PTPRK: variants seen among roughly 807,000 people sequenced by gnomAD.
The protein encoded by PTPRK is protein tyrosine phosphatase receptor type K, also known as receptor-type tyrosine-protein phosphatase kappa.
A neutral mutation model predicts 178.0 loss-of-function variants in PTPRK; 75 were observed. That is an observed-to-expected ratio of 0.42 (90% CI 0.35 to 0.51). The LOEUF is 0.51. PTPRK is among the 20% of genes least tolerant of loss of function. PTPRK has a pLI of 0.02. For missense variants in PTPRK, 1,441 were observed against 1,797.8 expected, an observed-to-expected ratio of 0.80 and a Z score of 3.59; for synonymous variants, 637 against 620.6, an observed-to-expected ratio of 1.03 and a Z score of -0.39.
At chr6:128,407,419 T>C (rs558943626) in intron 1 of PTPRK, among the ~76,000 whole-genome samples, 57 of 152,054 alleles carry the variant, frequency 3.7e-4, no homozygotes, top group African/African-American at 1.4e-3. Context: ...GTTAGATTTC[T>C]TGAGCCTAAG....
At chr6:128,135,830 T>TA (rs555472713) in intron 7 of PTPRK, among the ~76,000 whole-genome samples, 24 of 146,020 alleles carry the variant, frequency 1.6e-4, no homozygotes, top group East Asian at 4.0e-4. Context: ...ACTCAAAAAA[T>TA]AAAAAAAAAT....
chr6:128,180,972 C>T (rs2114684105), intron 7 of PTPRK, among the ~76,000 whole-genome samples: 1 of 152,146 alleles, frequency 6.6e-6, no homozygotes, highest in Non-Finnish European at 1.5e-5. Flanking sequence ...TGATATTGGA[C>T]AAGTTACTGT....
At chr6:128,357,663 C>T (rs555922784) in intron 2 of PTPRK, among the ~76,000 whole-genome samples, 1 of 152,312 alleles carries the variant, frequency 6.6e-6, no homozygotes, top group African/African-American at 2.4e-5. Flanking sequence ...ACATCAACAC[C>T]ACCCAAATAA....
At chr6:128,300,575 T>C (rs995997360) in intron 3 of PTPRK, among the ~76,000 whole-genome samples, 6 of 151,790 alleles carry the variant, frequency 4.0e-5, no homozygotes, top group East Asian at 3.9e-4. Context: ...ATGGATGAAA[T>C]TGGAAATCAT....
intron 5 of PTPRK, among the ~76,000 whole-genome samples, chr6:128,225,636 G>T (rs1317333933): frequency 6.6e-6 from 1 of 151,962 alleles, no homozygotes; most frequent in Non-Finnish European, 1.5e-5. Flanking sequence ...TTAAAAACAT[G>T]AAAGTATTTC....
At chr6:128,302,108 G>A (rs565240234) in intron 3 of PTPRK, among the ~76,000 whole-genome samples, 1 of 152,068 alleles carries the variant, frequency 6.6e-6, no homozygotes, top group South Asian at 2.1e-4. Context: ...CAGGAAACGG[G>A]CCGGGTGAGG....
At chr6:128,387,735 A>G (rs1010391817) in intron 2 of PTPRK, among the ~76,000 whole-genome samples, 2 of 152,168 alleles carry the variant, frequency 1.3e-5, no homozygotes, top group Non-Finnish European at 1.5e-5. Flanking sequence ...GAAAAATTCT[A>G]GTGAGTAACA....
At chr6:128,001,902 C>T (rs1376407519) in intron 15 of PTPRK, among the ~76,000 whole-genome samples, 2 of 151,756 alleles carry the variant, frequency 1.3e-5, no homozygotes, top group Non-Finnish European at 2.9e-5. Flanking sequence ...CAGCATTCTA[C>T]AGTGCTTAGC....
intron 7 of PTPRK, among the ~76,000 whole-genome samples, chr6:128,141,754 G>A (rs991714638): frequency 6.6e-6 from 1 of 151,804 alleles, no homozygotes; most frequent in African/African-American, 2.4e-5. Context: ...TTATAAAATT[G>A]TTCCATTTCC....
At chr6:128,206,310 T>A (rs1231850822) in intron 6 of PTPRK, among the ~76,000 whole-genome samples, 1 of 150,690 alleles carries the variant, frequency 6.6e-6, no homozygotes, top group East Asian at 1.9e-4. Flanking sequence ...CAGAAACATA[T>A]TATAAGAATC....
intron 7 of PTPRK, among the ~76,000 whole-genome samples, chr6:128,161,210 T>C (rs1393401761): frequency 1.3e-5 from 2 of 151,778 alleles, no homozygotes; most frequent in Non-Finnish European, 3.0e-5. Context: ...TAACAAACGA[T>C]AACTGCATTC....
intron 13 of PTPRK, among the ~76,000 whole-genome samples, chr6:128,019,340 G>A (rs1773093359): frequency 6.6e-6 from 1 of 152,076 alleles, no homozygotes; most frequent in African/African-American, 2.4e-5. Context: ...TTCAAAACAT[G>A]GGGGTGAGGT....
At chr6:128,186,346 T>C (rs1802762522) in intron 6 of PTPRK, among the ~76,000 whole-genome samples, 1 of 152,112 alleles carries the variant, frequency 6.6e-6, no homozygotes, top group Non-Finnish European at 1.5e-5. Flanking sequence ...GCAGTAACTT[T>C]TAAACTAATT....
chr6:128,491,832 C>G (rs73772040), intron 1 of PTPRK: 1 of 515,376 alleles, frequency 1.9e-6, no homozygotes, highest in East Asian at 5.5e-5. Flanking sequence ...CAAAAGTTAC[C>G]GACCACAAGC....
At chr6:128,078,647 T>C (rs1056717363) in intron 11 of PTPRK, among the ~76,000 whole-genome samples, 166 bp downstream of exon 11, 2 of 152,050 alleles carry the variant, frequency 1.3e-5, no homozygotes, top group Non-Finnish European at 2.9e-5. Context: ...TCTCTTACTG[T>C]GCCTAATTTA....
intron 7 of PTPRK, among the ~76,000 whole-genome samples, chr6:128,184,087 C>T (rs963896104): frequency 6.6e-6 from 1 of 152,082 alleles, no homozygotes; most frequent in African/African-American, 2.4e-5. Flanking sequence ...AAAAAGTATT[C>T]GGTATTTGCT....
chr6:128,190,495 T>TA (rs1322653876), intron 6 of PTPRK, among the ~76,000 whole-genome samples: 3,163 of 130,052 alleles, frequency 0.024, 179 homozygotes, highest in African/African-American at 0.056. Context: ...GATACCTTTT[T>TA]TTTTTTTTTT....
chr6:128,497,804 T>A (rs1442880211), intron 1 of PTPRK, among the ~76,000 whole-genome samples: 4 of 151,916 alleles, frequency 2.6e-5, no homozygotes. Flanking sequence ...TTCTATTAGA[T>A]GTAGCTAACA....
intron 2 of PTPRK, among the ~76,000 whole-genome samples, chr6:128,322,820 T>C (rs1829012594): frequency 6.6e-6 from 1 of 152,106 alleles, no homozygotes; most frequent in Non-Finnish European, 1.5e-5. Context: ...TAATTTCGTA[T>C]TGGAAAATCA....
Sources: gnomAD v4.1 joint callset for allele counts (sites outside exome capture counted in the v4.1 genomes callset) on GRCh38, gnomAD v4.1.1 for gene constraint, MANE v1.5 for transcripts, NCBI Gene and HGNC (gene_info 2026-07-23, HGNC 2026-07-21) for gene names.